CNTN3: variants seen among roughly 807,000 people sequenced by gnomAD.
CNTN3 encodes contactin 3.
Under a neutral mutation model 119.1 loss-of-function variants are expected in CNTN3, and 60 were observed. That is an observed-to-expected ratio of 0.50 (90% CI 0.41 to 0.62). CNTN3 has a LOEUF of 0.62. Ranked by LOEUF, CNTN3 falls within the 20% of genes least tolerant of loss-of-function variation. The pLI is 0.00. For synonymous variants in CNTN3, 450 were observed against 438.7 expected (o/e 1.03, Z -0.32); for missense variants, 1,101 against 1,242.4 (o/e 0.89, Z 1.71).
chr3:74,355,288 T>C (rs1703910033), intron 11 of CNTN3, among the ~76,000 whole-genome samples: 1 of 152,100 alleles, frequency 6.6e-6, no homozygotes. Context: ...GTCTTGTTGA[T>C]ATAACATTTT....
intron 4 of CNTN3, among the ~76,000 whole-genome samples, chr3:74,468,633 A>G (rs899198726): frequency 1.3e-5 from 2 of 152,220 alleles, no homozygotes; most frequent in African/African-American, 4.8e-5. Flanking sequence ...CATTTAGATA[A>G]GACAAACCCA....
chr3:74,402,983 G>T (rs866143238), intron 5 of CNTN3, among the ~76,000 whole-genome samples: 3 of 152,158 alleles, frequency 2.0e-5, no homozygotes, highest in Admixed American at 6.6e-5. Flanking sequence ...GTATTCTGAA[G>T]GGTTAGGATA....
chr3:74,480,650 T>TA (rs952092820), intron 4 of CNTN3, among the ~76,000 whole-genome samples: 10 of 151,784 alleles, frequency 6.6e-5, no homozygotes, highest in African/African-American at 2.2e-4. Flanking sequence ...TCCTTAAAAA[T>TA]AAAAAAATAT....
chr3:74,303,992 A>T (rs1406644261), intron 13 of CNTN3, among the ~76,000 whole-genome samples: 1 of 152,188 alleles, frequency 6.6e-6, no homozygotes, highest in Non-Finnish European at 1.5e-5. Flanking sequence ...CGTTTATCTT[A>T]ATTAAAAGAA....
chr3:74,460,041 C>G (rs939888928), intron 4 of CNTN3, among the ~76,000 whole-genome samples: 11 of 152,030 alleles, frequency 7.2e-5, no homozygotes, highest in African/African-American at 2.2e-4. Flanking sequence ...TGAAATGTCT[C>G]TGCATCTTTG....
At position 74,285,510 on chromosome 3, in the gene CNTN3, C is replaced by G; in HGVS notation, c.2518-19G>C. ...ACCGCACCTGGTGGGCGGAAGACAC[C>G]AAACATGTGAAGGCTTAAAAAATTC... On this transcript the variant is annotated intron_variant, in intron 19 of 22. Transcript: ENST00000263665. 6.3e-7 allele frequency: 1 copy of G among 1,589,546 alleles called. No individual in the cohort carries two copies. The highest frequency in any genetic ancestry group is 1.1e-5 in the South Asian group (1 of 87,608).
intron 1 of CNTN3, among the ~76,000 whole-genome samples, chr3:74,551,253 A>G (rs1703985599): frequency 1.3e-5 from 2 of 152,162 alleles, no homozygotes; most frequent in Admixed American, 1.3e-4. Flanking sequence ...ACTTATCTTA[A>G]ATACACTCCA....
At chr3:74,462,315 C>T (rs1422220854) in intron 4 of CNTN3, among the ~76,000 whole-genome samples, 1 of 152,050 alleles carries the variant, frequency 6.6e-6, no homozygotes. Context: ...TGAAATAAGG[C>T]TCAAATTCCA....
chr3:74,386,482 C>T (rs879382728), intron 5 of CNTN3, among the ~76,000 whole-genome samples: 1 of 152,258 alleles, frequency 6.6e-6, no homozygotes, highest in Non-Finnish European at 1.5e-5. Flanking sequence ...GGCAAGGCTG[C>T]AGTGAACCAT....
chr3:74,266,394 G>T (rs1338221021), intron 22 of CNTN3, 87 bp downstream of exon 22: 1 of 1,310,522 alleles, frequency 7.6e-7, no homozygotes. Flanking sequence ...TGGAAAGAAA[G>T]AATGGACAGA....
chr3:74,488,750 C>A (rs965189082), intron 3 of CNTN3, among the ~76,000 whole-genome samples: 12 of 152,154 alleles, frequency 7.9e-5, no homozygotes, highest in African/African-American at 2.9e-4. Flanking sequence ...AATAAGAAGA[C>A]CCAAATGAAA....
intron 22 of CNTN3, among the ~76,000 whole-genome samples, chr3:74,265,825 G>C (rs1701652146): frequency 6.6e-6 from 1 of 152,134 alleles, no homozygotes; most frequent in Non-Finnish European, 1.5e-5. Flanking sequence ...CTCTACAATA[G>C]TTAAACTGAG....
At chr3:74,338,396 GTA>G (rs555421111) in intron 11 of CNTN3, among the ~76,000 whole-genome samples, 8 of 151,784 alleles carry the variant, frequency 5.3e-5, no homozygotes, top group South Asian at 2.1e-4. Flanking sequence ...GTGTATGTGT[GTA>G]TATATATACA....
chr3:74,557,721 A>G (rs911259637), intron 1 of CNTN3, among the ~76,000 whole-genome samples: 4 of 87,222 alleles, frequency 4.6e-5, no homozygotes, highest in African/African-American at 1.7e-4. Context: ...CAGAACAGCA[A>G]CAGATGAAAA....
In CNTN3 at chr3:74,262,794, C is replaced by T. The variant is rs998311127; in HGVS notation, c.*1607G>A. Reference sequence around the variant, plus strand: ...ACTAAATAATAAAAAGGTCCAACTTCATTACATGTAGCATAAAATACAAGT... The same window carrying T: ...ACTAAATAATAAAAAGGTCCAACTTTATTACATGTAGCATAAAATACAAGT... On this transcript the variant is annotated 3_prime_UTR_variant, in exon 23 of 23. Coordinates refer to ENST00000263665, the MANE Select transcript of CNTN3 (RefSeq NM_020872.3). The T allele has an allele frequency of 2.6e-5, 4 of 152,158 alleles. No individual in the cohort carries two copies. Among genetic ancestry groups the T allele is most frequent in the Non-Finnish European group, 4.4e-5 (3 of 67,970 alleles). The allele number at this position is 152,158 out of a possible 1,614,324, so 9.4% of individuals were successfully genotyped here.
At chr3:74,292,197 A>G (rs1445885936) in intron 19 of CNTN3, among the ~76,000 whole-genome samples, 1 of 152,226 alleles carries the variant, frequency 6.6e-6, no homozygotes, top group African/African-American at 2.4e-5. Flanking sequence ...TATTTACTGG[A>G]GAGAAATAGA....
At chr3:74,480,816 C>A (rs1702750495) in intron 4 of CNTN3, among the ~76,000 whole-genome samples, 1 of 151,656 alleles carries the variant, frequency 6.6e-6, no homozygotes, top group African/African-American at 2.4e-5. Flanking sequence ...ACATTATAAT[C>A]CTCATTGTTG....
At chr3:74,581,570 T>C (rs1260362692) in intron 1 of CNTN3, among the ~76,000 whole-genome samples, 1 of 152,194 alleles carries the variant, frequency 6.6e-6, no homozygotes, top group African/African-American at 2.4e-5. Context: ...ATAGTTTCAA[T>C]TCAATTCATT....
At chr3:74,458,043 T>C (rs1314429129) in intron 4 of CNTN3, among the ~76,000 whole-genome samples, 1 of 151,920 alleles carries the variant, frequency 6.6e-6, no homozygotes, top group Non-Finnish European at 1.5e-5. Context: ...GCAGGGTAAA[T>C]AGGTGAAAAC....
Sources: allele counts gnomAD v4.1 joint callset (sites outside exome capture counted in the v4.1 genomes callset), GRCh38; gene constraint gnomAD v4.1.1; transcripts MANE v1.5; gene names NCBI Gene and HGNC (gene_info 2026-07-23, HGNC 2026-07-21).